Variants in PTPRG observed in about 807,000 individuals in gnomAD.
The protein encoded by PTPRG is protein tyrosine phosphatase receptor type G.
Under a neutral mutation model 165.3 loss-of-function variants are expected in PTPRG, and 102 were observed. The ratio of observed to expected loss-of-function variants is 0.62; its 90% CI spans 0.53 to 0.73. The LOEUF is 0.73. PTPRG is among the 30% of genes least tolerant of loss of function. The probability of loss-of-function intolerance (pLI) is 0.00; values close to 1 mark genes in which losing one functional copy is unlikely to be tolerated. For synonymous variants in PTPRG, 675 were observed against 669.5 expected (o/e 1.01, Z -0.13); for missense variants, 1,866 against 1,861.4 (o/e 1.00, Z -0.05).
chr3:62,050,370 G>A (rs1700433200), intron 4 of PTPRG, among the ~76,000 whole-genome samples: 1 of 152,182 alleles, frequency 6.6e-6, no homozygotes, highest in Non-Finnish European at 1.5e-5. Flanking sequence ...CAGATTTGTA[G>A]CCTAGGAGCA....
chr3:62,186,943 T>C (rs1370645330), intron 8 of PTPRG, among the ~76,000 whole-genome samples: 1 of 152,166 alleles, frequency 6.6e-6, no homozygotes, highest in Admixed American at 6.5e-5. Context: ...TGGCAAGCCA[T>C]GAGGCTGACG....
chr3:61,664,290 T>TTGTGGC (rs1702747198), intron 1 of PTPRG, among the ~76,000 whole-genome samples: 1 of 152,162 alleles, frequency 6.6e-6, no homozygotes, highest in Non-Finnish European at 1.5e-5. Context: ...TGAGTCATAG[T>TTGTGGC]TACCCAGCAG....
chr3:62,029,228 C>T (rs1466639866), intron 4 of PTPRG, among the ~76,000 whole-genome samples: 2 of 152,124 alleles, frequency 1.3e-5, no homozygotes, highest in Non-Finnish European at 2.9e-5. Flanking sequence ...TGTGTATCTT[C>T]TGGACACAGT....
At chr3:61,663,280 G>T (rs1323512939) in intron 1 of PTPRG, among the ~76,000 whole-genome samples, 1 of 152,240 alleles carries the variant, frequency 6.6e-6, no homozygotes, top group Admixed American at 6.5e-5. Context: ...GTAGGGACAT[G>T]TCTGTATTAT....
intron 2 of PTPRG, among the ~76,000 whole-genome samples, chr3:61,781,737 CTT>C (rs983774137): frequency 6.6e-6 from 1 of 151,696 alleles, no homozygotes; most frequent in Middle Eastern, 3.4e-3. Context: ...ATTAATTTCT[CTT>C]TTTTTTGAGA....
chr3:61,797,933 A>G (rs763657882), intron 2 of PTPRG, among the ~76,000 whole-genome samples: 36 of 152,284 alleles, frequency 2.4e-4, no homozygotes, highest in Middle Eastern at 3.4e-3. Context: ...AAGGATGAGG[A>G]TGAAATTTTT....
intron 5 of PTPRG, chr3:62,124,374 G>C (rs1703204862): frequency 1.9e-6 from 3 of 1,612,702 alleles, no homozygotes; most frequent in Admixed American, 3.3e-5. Flanking sequence ...TGCAAGTCCA[G>C]GGTGATCTGC....
chr3:61,940,789 A>T (rs889308451), intron 2 of PTPRG, among the ~76,000 whole-genome samples: 1 of 151,768 alleles, frequency 6.6e-6, no homozygotes. Context: ...TCAGCCTCCC[A>T]AGTAGCTGGG....
intron 2 of PTPRG, among the ~76,000 whole-genome samples, chr3:61,797,790 A>G (rs1465752739): frequency 1.3e-5 from 2 of 151,870 alleles, no homozygotes; most frequent in African/African-American, 4.8e-5. Context: ...GGAGAAGGAG[A>G]CTTGACAGTG....
At chr3:61,826,759 T>A (rs532765123) in intron 2 of PTPRG, among the ~76,000 whole-genome samples, 15 of 152,118 alleles carry the variant, frequency 9.9e-5, no homozygotes, top group Non-Finnish European at 1.8e-4. Context: ...CTGTTTCTCA[T>A]CTGTGAAGTA....
At chr3:61,603,816 G>A (rs902260996) in intron 1 of PTPRG, among the ~76,000 whole-genome samples, 1 of 152,102 alleles carries the variant, frequency 6.6e-6, no homozygotes, top group African/African-American at 2.4e-5. Flanking sequence ...CACTCTACCT[G>A]TGTCTGTGTT....
In PTPRG at chr3:61,562,175, G is replaced by A; in HGVS notation, c.-113G>A. The A allele has an allele frequency of 2.1e-6, 2 of 945,834 alleles. No individual in the cohort carries two copies. Among genetic ancestry groups the A allele is most frequent in the African/African-American group, 1.6e-5 (1 of 61,796 alleles). The allele number at this position is 945,834 out of a possible 1,614,324, so 58.6% of individuals were successfully genotyped here. ...GGGCCGCCGAGCGCGGGGGGCCCGT[G>A]GAGCGGGCGAGCCGGGGAAGCGCCC... On this transcript the variant is annotated 5_prime_UTR_variant, in exon 1 of 30. Coordinates refer to ENST00000474889, the MANE Select transcript of PTPRG (RefSeq NM_002841.4).
At chr3:61,924,751 A>G (rs1482361930) in intron 2 of PTPRG, among the ~76,000 whole-genome samples, 4 of 152,214 alleles carry the variant, frequency 2.6e-5, no homozygotes, top group African/African-American at 4.8e-5. Context: ...TGTGAGGGTC[A>G]TATGGTCTCT....
intron 2 of PTPRG, chr3:61,750,712 C>G (rs1475116387): frequency 6.6e-6 from 1 of 152,212 alleles, no homozygotes; most frequent in Non-Finnish European, 1.5e-5. Flanking sequence ...TCTGGACAGA[C>G]TGGCTGTGCT....
intron 2 of PTPRG, among the ~76,000 whole-genome samples, chr3:61,935,425 C>G (rs2039461246): frequency 6.6e-6 from 1 of 152,178 alleles, no homozygotes; most frequent in South Asian, 2.1e-4. Flanking sequence ...TGCACACATA[C>G]AGACTCACAC....
chr3:62,084,497 T>C (rs1701681310), intron 5 of PTPRG, among the ~76,000 whole-genome samples: 1 of 150,792 alleles, frequency 6.6e-6, no homozygotes, highest in Non-Finnish European at 1.5e-5. Context: ...ACTTCAGAAC[T>C]CAAATGCTTT....
intron 4 of PTPRG, among the ~76,000 whole-genome samples, chr3:62,063,259 T>C (rs1700879893): frequency 6.6e-6 from 1 of 152,228 alleles, no homozygotes; most frequent in Non-Finnish European, 1.5e-5. Flanking sequence ...AGAGAATTGA[T>C]AGAAAGATCA....
rs10618160 is a variant in PTPRG at position 61,746,050 on chromosome 3, C to CT, written c.86-2812dup. ...ATTAAACTTTCTTTCTTTTTCTTTTCTTTTTTTTTTTTTTTTGAGACAGGG... is the reference window on the plus strand; with the variant it reads ...ATTAAACTTTCTTTCTTTTTCTTTTCTTTTTTTTTTTTTTTTTGAGACAGGG... On this transcript the variant is annotated intron_variant, in intron 1 of 29. Coordinates refer to ENST00000474889, the MANE Select transcript of PTPRG (RefSeq NM_002841.4). 2.3e-3 allele frequency among the ~76,000 whole-genome samples: 297 copies of CT among 130,852 alleles called. 1 individual carries two copies. Among genetic ancestry groups the CT allele is most frequent in the African/African-American group, 8.0e-3 (286 of 35,734 alleles). 85.8% of individuals were successfully genotyped at this position (130,852 alleles called of 152,430 possible). A position where few individuals can be genotyped will look rare whatever the true frequency, so the allele number is the denominator to read the frequency against.
At chr3:61,998,406 T>G (rs1053571599) in intron 3 of PTPRG, among the ~76,000 whole-genome samples, 2 of 152,228 alleles carry the variant, frequency 1.3e-5, no homozygotes, top group South Asian at 4.1e-4. Context: ...ATTGCTGCTG[T>G]GAGCATTCGT....
Sources: allele counts gnomAD v4.1 joint callset (sites outside exome capture counted in the v4.1 genomes callset), GRCh38; gene constraint gnomAD v4.1.1; transcripts MANE v1.5; gene names NCBI Gene and HGNC (gene_info 2026-07-23, HGNC 2026-07-21).